UBAP2: variants seen among roughly 807,000 people sequenced by gnomAD.
UBAP2 encodes ubiquitin associated protein 2.
In UBAP2, 75 loss-of-function variants were observed where a neutral mutation model predicts 139.6. The observed-to-expected ratio is 0.54, with a 90% CI of 0.45 to 0.65. UBAP2 has a LOEUF of 0.65. UBAP2 is among the 30% of genes least tolerant of loss of function. The probability of loss-of-function intolerance (pLI) is 0.00; values close to 1 mark genes in which losing one functional copy is unlikely to be tolerated. For synonymous variants in UBAP2, 526 were observed against 526.2 expected (o/e 1.00, Z 0.01); for missense variants, 1,368 against 1,369.6 (o/e 1.00, Z 0.02).
intron 13 of UBAP2, among the ~76,000 whole-genome samples, chr9:33,945,661 G>A (rs1001108138): frequency 6.6e-6 from 1 of 152,112 alleles, no homozygotes; most frequent in African/African-American, 2.4e-5. Flanking sequence ...TATATAGACA[G>A]ACAGACAGAC....
intron 16 of UBAP2, among the ~76,000 whole-genome samples, chr9:33,937,573 C>G (rs191216453): frequency 6.9e-5 from 9 of 131,242 alleles, no homozygotes; most frequent in Admixed American, 1.7e-4. Context: ...CACCACTGCA[C>G]TGGGCGATAG....
At chr9:33,947,981 C>CA (rs34296980) in intron 13 of UBAP2, among the ~76,000 whole-genome samples, 1,425 of 80,202 alleles carry the variant, frequency 0.018, 7 homozygotes, top group African/African-American at 0.028. Flanking sequence ...GACCCCATCT[C>CA]AAAAAAAAAA....
At chr9:33,944,699 ACAT>A (rs1164909783) in intron 13 of UBAP2, 60 bp from the exon 14 acceptor site, 1 of 1,558,192 alleles carries the variant, frequency 6.4e-7, no homozygotes, top group Non-Finnish European at 8.7e-7. Flanking sequence ...CTTCAATAGA[ACAT>A]GAAGTGTTCT....
At chr9:33,945,324 C>T (rs546126992) in intron 13 of UBAP2, among the ~76,000 whole-genome samples, 126 of 152,038 alleles carry the variant, frequency 8.3e-4, no homozygotes, top group Non-Finnish European at 1.5e-3. Context: ...TGGTGAAACC[C>T]CATCTCTACT....
At chr9:34,042,565 T>A (rs567632445) in intron 1 of UBAP2, among the ~76,000 whole-genome samples, 1 of 150,374 alleles carries the variant, frequency 6.7e-6, no homozygotes, top group South Asian at 2.1e-4. Flanking sequence ...AGCAGGAGGA[T>A]CACTTGAGTC....
chr9:33,960,256 G>A (rs1033884407), intron 10 of UBAP2, among the ~76,000 whole-genome samples: 6 of 151,968 alleles, frequency 3.9e-5, no homozygotes, highest in Admixed American at 3.3e-4. Flanking sequence ...TTTCTTGTTT[G>A]TTTTTTTCCA....
At chr9:33,926,554 T>C in intron 22 of UBAP2, 63 bp downstream of exon 22, 1 of 1,582,240 alleles carries the variant, frequency 6.3e-7, no homozygotes, top group South Asian at 1.1e-5. Flanking sequence ...GCCAAGACCA[T>C]AAGAGGGGGG....
At chr9:33,937,955 A>G (rs1352024583) in intron 16 of UBAP2, among the ~76,000 whole-genome samples, 3 of 151,898 alleles carry the variant, frequency 2.0e-5, no homozygotes, top group Non-Finnish European at 4.4e-5. Context: ...ACTACATTAC[A>G]CACAACTACA....
chr9:33,933,423 C>A lies in UBAP2; in HGVS notation c.2108+67G>T, dbSNP rs1194130476. The A allele has an allele frequency of 1.9e-6, 3 of 1,564,430 alleles. No individual in the cohort carries two copies. The Admixed American group carries it at 5.4e-5, about 28-fold the overall frequency. The stretch of plus-strand genomic sequence containing the variant: ...AAGTGTGCTCTGTTCATGAAAGCAA[C>A]CTTCTACAGGAGCTCCAGGACTTGC... On this transcript the variant is annotated intron_variant, in intron 18 of 28. Coordinates refer to ENST00000379238, the MANE Select transcript of UBAP2 (RefSeq NM_001370062.2).
intron 12 of UBAP2, among the ~76,000 whole-genome samples, chr9:33,949,777 G>C (rs911846036): frequency 2.6e-5 from 4 of 152,170 alleles, no homozygotes; most frequent in Non-Finnish European, 4.4e-5. Context: ...AACTTCAGTG[G>C]TTACTATTCC....
At chr9:33,974,107 A>AT (rs1380653649) in intron 6 of UBAP2, among the ~76,000 whole-genome samples, 1 of 152,176 alleles carries the variant, frequency 6.6e-6, no homozygotes, top group Non-Finnish European at 1.5e-5. Flanking sequence ...AGGAGGATCC[A>AT]TGAGCCCAGG....
rs141751803 is a variant in UBAP2, at chr9:34,036,982, ATTTTTTTT to A, written c.-42+11835_-42+11842del. Among the ~76,000 whole-genome samples the A allele has an allele frequency of 6.1e-4, 35 of 57,432 alleles. 1 individual carries two copies. In the Admixed American group the frequency reaches 7.5e-3, roughly 12 times the overall value. 37.7% of individuals were successfully genotyped at this position (57,432 alleles called of 152,430 possible). ...TAGGCATGTGCCACCACACCCAGCTATTTTTTTTTTTTTTTTTTTTTTTTTTGAGAGAG... is the reference window on the plus strand; with the variant it reads ...TAGGCATGTGCCACCACACCCAGCTATTTTTTTTTTTTTTTTTTGAGAGAG... On this transcript the variant is annotated intron_variant, in intron 1 of 28. Transcript: ENST00000379238.
At chr9:34,039,371 G>A (rs1222309603) in intron 1 of UBAP2, among the ~76,000 whole-genome samples, 1 of 152,236 alleles carries the variant, frequency 6.6e-6, no homozygotes. Context: ...TGCTCATTGA[G>A]AACGGGCCAT....
intron 8 of UBAP2, among the ~76,000 whole-genome samples, chr9:33,965,761 A>G (rs1400959616): frequency 1.3e-5 from 2 of 152,104 alleles, no homozygotes; most frequent in Non-Finnish European, 2.9e-5. Flanking sequence ...AAAATCAGGG[A>G]GTGTGGGCCG....
At chr9:33,928,045 C>G (rs1823624668) in intron 19 of UBAP2, 53 bp from the exon 20 acceptor site, 2 of 1,544,442 alleles carry the variant, frequency 1.3e-6, no homozygotes, top group Admixed American at 4.0e-5. Context: ...GAGGAGGGTG[C>G]TGGGGAGAGC....
At chr9:33,939,423 T>C (rs1289493286) in intron 16 of UBAP2, among the ~76,000 whole-genome samples, 2 of 151,700 alleles carry the variant, frequency 1.3e-5, no homozygotes, top group African/African-American at 4.8e-5. Flanking sequence ...GGTCTCGAAC[T>C]CCTGATCTCA....
chr9:33,956,925 T>A (rs938995589), intron 10 of UBAP2, among the ~76,000 whole-genome samples: 6 of 113,960 alleles, frequency 5.3e-5, no homozygotes, highest in Admixed American at 9.1e-5. Context: ...AGGCTTCATC[T>A]CTAGGAAAAA....
chr9:33,975,413 C>CA (rs577942223), intron 6 of UBAP2, among the ~76,000 whole-genome samples: 44 of 145,328 alleles, frequency 3.0e-4, no homozygotes, highest in African/African-American at 1.1e-3. Context: ...GCCTGGGTGA[C>CA]AGAGTGAGGC....
At chr9:33,982,868 GTGTTTTTTTT>G (rs1820884432) in intron 6 of UBAP2, among the ~76,000 whole-genome samples, 2 of 150,380 alleles carry the variant, frequency 1.3e-5, no homozygotes, top group Admixed American at 6.7e-5. Context: ...ATAATGTGTG[GTGTTTTTTTT>G]TGTTTTTTTT....
Sources: gnomAD v4.1 joint callset for allele counts (sites outside exome capture counted in the v4.1 genomes callset) on GRCh38, gnomAD v4.1.1 for gene constraint, MANE v1.5 for transcripts, NCBI Gene and HGNC (gene_info 2026-07-23, HGNC 2026-07-21) for gene names.